Variants in GRK4 observed in about 807,000 individuals in gnomAD.
The protein encoded by GRK4 is G protein-coupled receptor kinase 4, also known as G protein-coupled receptor kinase 2-like.
In GRK4, 73 loss-of-function variants were observed where a neutral mutation model predicts 77.9. The observed-to-expected ratio is 0.94, with a 90% CI of 0.78 to 1.14. GRK4 has a LOEUF of 1.14. GRK4 is among the 50% of genes most tolerant of loss of function. The probability of loss-of-function intolerance (pLI) is 0.00; values close to 1 mark genes in which losing one functional copy is unlikely to be tolerated. For synonymous variants in GRK4, 257 were observed against 254.4 expected (o/e 1.01, Z -0.10); for missense variants, 729 against 700.2 (o/e 1.04, Z -0.46).
At chr4:3,027,162 C>T (rs772959982) in intron 10 of GRK4, among the ~76,000 whole-genome samples, 10 of 152,180 alleles carry the variant, frequency 6.6e-5, no homozygotes, top group Non-Finnish European at 1.5e-4. Flanking sequence ...GCCTCAGCCT[C>T]CAGAGTAGCT....
intron 1 of GRK4, chr4:2,969,279 A>G (rs1718723804): frequency 6.6e-6 from 1 of 151,874 alleles, no homozygotes; most frequent in Admixed American, 6.6e-5. Flanking sequence ...ACCTCAAATG[A>G]TCCACCCGCC....
rs190280416 is a variant in GRK4, at chr4:3,038,888, G to A, written c.1683+375G>A. 3.1e-3 allele frequency: 551 copies of A among 175,726 alleles called. 6 individuals carry two copies. Among genetic ancestry groups the A allele is most frequent in the Non-Finnish European group, 2.4e-3 (200 of 82,818 alleles). The allele number at this position is 175,726 out of a possible 1,614,324, so 10.9% of individuals were successfully genotyped here. A position where few individuals can be genotyped will look rare whatever the true frequency, so the allele number is the denominator to read the frequency against. ...TCTGGCTCTTAGACTCACCTCCTTC[G>A]CCCGCTGCACGGGGAAAGTGGATTC... On this transcript the variant is annotated intron_variant, in intron 15 of 15. Coordinates refer to ENST00000398052, the MANE Select transcript of GRK4 (RefSeq NM_182982.3).
At position 2,990,466 on chromosome 4, in the gene GRK4, A is replaced by G. The variant is rs981832739; in HGVS notation, c.261+1627A>G. On this transcript the variant is annotated intron_variant, in intron 3 of 15. Transcript: ENST00000398052. ...GAGACGGGGTTTCCCCATGTTGGCT[A>G]GGCTGGTCTCAGACTCCTGACCTCA... Among the ~76,000 whole-genome samples, 3 of 152,076 alleles carry G rather than the reference A, an allele frequency of 2.0e-5. 1 individual carries two copies. The highest frequency in any genetic ancestry group is 6.3e-3 in the Middle Eastern group (2 of 316).
intron 1 of GRK4, among the ~76,000 whole-genome samples, chr4:2,973,930 C>T (rs1012535235): frequency 6.6e-6 from 1 of 152,230 alleles, no homozygotes; most frequent in Non-Finnish European, 1.5e-5. Flanking sequence ...TGCCTCCACA[C>T]GGTTTCCTCT....
At chr4:2,970,941 A>G (rs1289303073) in intron 1 of GRK4, 1 of 152,026 alleles carries the variant, frequency 6.6e-6, no homozygotes, top group Non-Finnish European at 1.5e-5. Flanking sequence ...AAGTGCTGGG[A>G]TTACAGGTGT....
intron 12 of GRK4, among the ~76,000 whole-genome samples, chr4:3,032,195 C>T (rs1212532001): frequency 6.6e-6 from 1 of 152,010 alleles, no homozygotes; most frequent in African/African-American, 2.4e-5. Flanking sequence ...AGTGAAAAAG[C>T]AGAATGGGCC....
At chr4:3,027,739 G>C (rs888918315) in intron 10 of GRK4, among the ~76,000 whole-genome samples, 173 bp from the exon 11 acceptor site, 2 of 152,158 alleles carry the variant, frequency 1.3e-5, no homozygotes, top group Non-Finnish European at 2.9e-5. Context: ...GCATTGTATG[G>C]AATTTTACTA....
intron 3 of GRK4, among the ~76,000 whole-genome samples, chr4:2,990,057 G>T (rs1393630673): frequency 1.3e-5 from 2 of 152,112 alleles, no homozygotes; most frequent in African/African-American, 2.4e-5. Context: ...ATATCATTGA[G>T]TTTGGATTTG....
intron 1 of GRK4, chr4:2,966,908 T>C (rs571604527): frequency 6.6e-6 from 1 of 152,348 alleles, no homozygotes; most frequent in Admixed American, 6.5e-5. Flanking sequence ...CCCTCTCTGG[T>C]CCCTGCTATG....
intron 7 of GRK4, 82 bp downstream of exon 7, chr4:3,009,793 A>G: frequency 2.1e-6 from 2 of 967,972 alleles, no homozygotes; most frequent in South Asian, 2.7e-5. Context: ...CAGGTAATGC[A>G]TCAGCTCTCC....
At chr4:3,001,326 T>TACACAC (rs771757282) in intron 4 of GRK4, among the ~76,000 whole-genome samples, 60 of 115,196 alleles carry the variant, frequency 5.2e-4, no homozygotes, top group African/African-American at 2.2e-3. Context: ...TGAGTACATA[T>TACACAC]ACACACACAC....
At chr4:2,988,548 G>A (rs1476830047) in intron 2 of GRK4, among the ~76,000 whole-genome samples, 179 bp from the exon 3 acceptor site, 2 of 147,348 alleles carry the variant, frequency 1.4e-5, no homozygotes, top group African/African-American at 5.1e-5. Context: ...TCCAGCCTGG[G>A]CGACAGAGGA....
intron 8 of GRK4, among the ~76,000 whole-genome samples, chr4:3,018,030 G>C (rs1032463435): frequency 4.0e-5 from 6 of 150,008 alleles, no homozygotes; most frequent in African/African-American, 1.2e-4. Context: ...GAAGAAAAAA[G>C]GTTAAAAAAA....
At chr4:2,987,171 C>G (rs1724661367) in intron 2 of GRK4, 1 of 515,460 alleles carries the variant, frequency 1.9e-6, no homozygotes, top group African/African-American at 1.9e-5. Flanking sequence ...CTGTCTATGT[C>G]TTTGCCTGTT....
At chr4:2,983,827 G>A (rs1723493503) in intron 1 of GRK4, among the ~76,000 whole-genome samples, 1 of 152,156 alleles carries the variant, frequency 6.6e-6, no homozygotes, top group Admixed American at 6.5e-5. Flanking sequence ...CATGGCTAGA[G>A]GGGCCTCAGG....
rs570375908 is a variant in GRK4 at position 2,999,041 on chromosome 4, G to A, written c.340-5190G>A. Among the ~76,000 whole-genome samples the A allele has an allele frequency of 8.5e-5, 13 of 152,258 alleles. 1 individual carries two copies. In the South Asian group the frequency reaches 2.1e-3, roughly 24 times the overall value. On this transcript the variant is annotated intron_variant, in intron 4 of 15. Transcript: ENST00000398052. ...ATACAGCAGTCAATGGTATGGAATCGAGAGTGCAGAAACAAATTCATGCAT... is the reference window on the plus strand; with the variant it reads ...ATACAGCAGTCAATGGTATGGAATCAAGAGTGCAGAAACAAATTCATGCAT...
chr4:2,974,818 A>G (rs1720624606), intron 1 of GRK4, among the ~76,000 whole-genome samples: 1 of 152,172 alleles, frequency 6.6e-6, no homozygotes, highest in Non-Finnish European at 1.5e-5. Flanking sequence ...TCACATGGCC[A>G]CTTTTAACTG....
intron 2 of GRK4, among the ~76,000 whole-genome samples, chr4:2,984,989 T>C (rs1392427494): frequency 6.6e-6 from 1 of 152,146 alleles, no homozygotes; most frequent in Non-Finnish European, 1.5e-5. Context: ...ATACTCATTG[T>C]TCTATACATT....
intron 5 of GRK4, among the ~76,000 whole-genome samples, chr4:3,005,482 G>A (rs1414400093): frequency 6.6e-6 from 1 of 152,136 alleles, no homozygotes; most frequent in Non-Finnish European, 1.5e-5. Context: ...GCTGGACCCT[G>A]ATGCTTTAAT....
Sources: gnomAD v4.1 joint callset for allele counts (sites outside exome capture counted in the v4.1 genomes callset) on GRCh38, gnomAD v4.1.1 for gene constraint, MANE v1.5 for transcripts, NCBI Gene and HGNC (gene_info 2026-07-23, HGNC 2026-07-21) for gene names.